TPTE: variants seen among roughly 807,000 people sequenced by gnomAD.
The protein encoded by TPTE is putative tyrosine-protein phosphatase TPTE.
Under a neutral mutation model 84.1 loss-of-function variants are expected in TPTE, and 59 were observed. The ratio of observed to expected loss-of-function variants is 0.70; its 90% confidence interval spans 0.57 to 0.87. The LOEUF is 0.87. TPTE is among the 40% of genes least tolerant of loss of function. The probability of loss-of-function intolerance (pLI) is 0.00; values close to 1 mark genes in which losing one functional copy is unlikely to be tolerated. For missense variants in TPTE, 382 were observed against 659.6 expected (o/e 0.58, Z 4.61); for synonymous variants, 130 against 223.5 (o/e 0.58, Z 3.73).
chr21:10,576,357 A>G, intron 14 of TPTE: 4 of 247,438 alleles, frequency 1.6e-5, no homozygotes, highest in Non-Finnish European at 1.7e-5. Context: ...ACCGCGGAAA[A>G]GGGAAGCAAG....
At chr21:10,533,554 A>G (rs1327310611) in intron 3 of TPTE, among the ~76,000 whole-genome samples, 1 of 152,310 alleles carries the variant, frequency 6.6e-6, no homozygotes, top group Non-Finnish European at 1.5e-5. Flanking sequence ...TTGGGGAAGG[A>G]CTGAAGGACA....
rs1408890970 is a variant in TPTE at position 10,543,018 on chromosome 21, T to TATCATCCTCTAGCCCACACACAAG, written c.120-311_120-310insATCATCCTCTAGCCCACACACAAG. Among the ~76,000 whole-genome samples the TATCATCCTCTAGCCCACACACAAG allele has an allele frequency of 5.4e-3, 620 of 114,108 alleles. 52 individuals are homozygous for TATCATCCTCTAGCCCACACACAAG. The highest frequency in any genetic ancestry group is 0.017 in the African/African-American group (342 of 20,482). 74.9% of individuals were successfully genotyped at this position (114,108 alleles called of 152,430 possible). ...CGTCTCCTATCTGACTGTATTCTTT[T>TATCATCCTCTAGCCCACACACAAG]TTTTTTTTTTTTTTTTTTTTTTGAG... On this transcript the variant is annotated intron_variant, in intron 6 of 23. Coordinates refer to ENST00000618007, the MANE Select transcript of TPTE (RefSeq NM_199261.4).
At chr21:10,546,727 C>A (rs2074474562) in intron 7 of TPTE, among the ~76,000 whole-genome samples, 3 of 152,310 alleles carry the variant, frequency 2.0e-5, no homozygotes, top group Admixed American at 2.0e-4. Context: ...TCCCTTAAGC[C>A]AAAGCGTAAT....
At chr21:10,604,045 C>T (rs1978953221) in intron 23 of TPTE, among the ~76,000 whole-genome samples, 1 of 152,310 alleles carries the variant, frequency 6.6e-6, no homozygotes, top group African/African-American at 2.4e-5. Context: ...AGGGAGGCTT[C>T]AGCTAGCTGA....
chr21:10,583,303 G>A (rs111686883), intron 17 of TPTE, among the ~76,000 whole-genome samples: 1 of 152,308 alleles, frequency 6.6e-6, no homozygotes, highest in Non-Finnish European at 1.5e-5. Flanking sequence ...TCTTATGGTG[G>A]TGATCATTTG....
At chr21:10,543,308 T>G (rs764624726) in intron 6 of TPTE, 21 bp from the exon 7 acceptor site, 2 of 1,613,098 alleles carry the variant, frequency 1.2e-6, no homozygotes, top group Admixed American at 3.3e-5. Context: ...CTGCTGACTG[T>G]ATTCTTTTAT....
chr21:10,521,860 A>G (rs2073982625), intron 1 of TPTE, among the ~76,000 whole-genome samples, 166 bp downstream of exon 1: 1 of 152,206 alleles, frequency 6.6e-6, no homozygotes, highest in African/African-American at 2.4e-5. Context: ...CGGGCGCGGA[A>G]TCCGGGAGGT....
At chr21:10,530,847 A>C (rs1386444305) in intron 3 of TPTE, among the ~76,000 whole-genome samples, 5 of 152,308 alleles carry the variant, frequency 3.3e-5, no homozygotes, top group Non-Finnish European at 5.9e-5. Context: ...CAATTTATAT[A>C]ATCAGTCTAA....
At chr21:10,603,480 GAATA>G (rs1247477458) in intron 22 of TPTE, 78 bp from the exon 23 acceptor site, 12 of 1,347,352 alleles carry the variant, frequency 8.9e-6, no homozygotes, top group South Asian at 1.3e-5. Context: ...ATATAAAAAA[GAATA>G]AAGAAAGGAA....
chr21:10,559,742 T>C (rs2074756271), intron 9 of TPTE, among the ~76,000 whole-genome samples, 198 bp downstream of exon 9: 1 of 152,292 alleles, frequency 6.6e-6, no homozygotes, highest in East Asian at 1.9e-4. Flanking sequence ...AGCATAATGG[T>C]GGGTGCCTAT....
chr21:10,598,874 C>T (rs113831426), intron 21 of TPTE, among the ~76,000 whole-genome samples: 70 of 152,198 alleles, frequency 4.6e-4, no homozygotes, highest in Admixed American at 1.2e-3. Flanking sequence ...ACTCTGCGCC[C>T]GGCTTTTTTG....
chr21:10,554,887 G>A (rs2074650100), intron 8 of TPTE, among the ~76,000 whole-genome samples: 3 of 152,418 alleles, frequency 2.0e-5, no homozygotes, highest in South Asian at 2.1e-4. Context: ...TCATCCCTCT[G>A]TATTGTCCTT....
At position 10,569,443 on chromosome 21, in the gene TPTE, A is replaced by C. The variant is rs761601971; in HGVS notation, c.573A>C (p.Thr191=). ...IKLLRNIPRW[T]HLLRLLRLII... ...CGTTTAAATTTATTCTTAGATGGAC[A>C]CATTTACTTCGACTTCTACGACTTA... Residue 191 remains threonine (T), a synonymous_variant, in exon 12 of 24, where the codon ACA becomes ACC. Transcript: ENST00000618007. 1.9e-6 allele frequency: 3 copies of C among 1,612,480 alleles called. No individual in the cohort carries two copies. Among genetic ancestry groups the C allele is most frequent in the Non-Finnish European group, 2.5e-6 (3 of 1,179,426 alleles).
At chr21:10,573,975 T>C (rs1377082757) in intron 14 of TPTE, among the ~76,000 whole-genome samples, 12 of 152,400 alleles carry the variant, frequency 7.9e-5, no homozygotes, top group African/African-American at 2.9e-4. Flanking sequence ...ATTCAAGGAG[T>C]AGAAAATAAA....
chr21:10,557,644 G>GAGGTGGTGGGTCC (rs1192182319), intron 8 of TPTE, among the ~76,000 whole-genome samples: 1 of 152,304 alleles, frequency 6.6e-6, no homozygotes, highest in Non-Finnish European at 1.5e-5. Context: ...AGCCTGGGTG[G>GAGGTGGTGGGTCC]AGGTGGTGGG....
intron 8 of TPTE, among the ~76,000 whole-genome samples, chr21:10,558,984 T>G (rs1374777818): frequency 6.6e-6 from 1 of 152,310 alleles, no homozygotes; most frequent in African/African-American, 2.4e-5. Flanking sequence ...GAAGTTCGTT[T>G]GCAACCTCAT....
intron 15 of TPTE, 30 bp downstream of exon 15, chr21:10,577,550 G>A (rs1310766755): frequency 4.3e-6 from 7 of 1,613,862 alleles, no homozygotes; most frequent in Non-Finnish European, 5.9e-6. Flanking sequence ...TTGTGCTACT[G>A]TAGATAGAAA....
intron 10 of TPTE, among the ~76,000 whole-genome samples, chr21:10,564,749 C>T (rs1375038916): frequency 6.6e-6 from 1 of 152,306 alleles, no homozygotes; most frequent in African/African-American, 2.4e-5. Flanking sequence ...AGGATAAAAA[C>T]CATAAGATCA....
intron 3 of TPTE, among the ~76,000 whole-genome samples, chr21:10,529,666 G>A (rs1487283198): frequency 2.0e-5 from 3 of 152,308 alleles, no homozygotes; most frequent in African/African-American, 7.2e-5. Context: ...CTCCTCTATT[G>A]AATATTACAC....
Sources: gnomAD v4.1 joint callset for allele counts (sites outside exome capture counted in the v4.1 genomes callset) on GRCh38, gnomAD v4.1.1 for gene constraint, MANE v1.5 for transcripts, NCBI Gene and HGNC (gene_info 2026-07-23, HGNC 2026-07-21) for gene names.